WNT8B: variants seen among roughly 807,000 people sequenced by gnomAD.
The protein encoded by WNT8B is Wnt family member 8B.
In WNT8B, 24 loss-of-function variants were observed where a neutral mutation model predicts 36.6. The ratio of observed to expected loss-of-function variants is 0.66; its 90% CI spans 0.48 to 0.92. The LOEUF (loss-of-function observed/expected upper bound fraction) is 0.92. Among genes scored for constraint, WNT8B ranks in the 40% least tolerant of loss-of-function variants. WNT8B has a pLI of 0.00. For missense variants in WNT8B, 402 were observed against 470.8 expected (o/e 0.85, Z 1.35); for synonymous variants, 199 against 189.8 (o/e 1.05, Z -0.40).
Position 100,470,833 on chromosome 10 carries a change from C to G in WNT8B, c.68+7597C>G, listed in dbSNP as rs189875037. ...CTCGGCTGACTGCAACCTCCGCCTC[C>G]CAGGTTCAAGCGGATTCTCCTGCCT... On this transcript the variant is annotated intron_variant, in intron 1 of 5. Coordinates refer to ENST00000343737, the MANE Select transcript of WNT8B (RefSeq NM_003393.4). Among the ~76,000 whole-genome samples the G allele has an allele frequency of 2.0e-4, 30 of 152,300 alleles. No individual in the cohort carries two copies. In the East Asian group the frequency reaches 5.6e-3, roughly 28 times the overall value.
intron 4 of WNT8B, among the ~76,000 whole-genome samples, chr10:100,481,708 AG>A (rs888292526): frequency 1.7e-4 from 26 of 152,210 alleles, no homozygotes; most frequent in African/African-American, 6.0e-4. Flanking sequence ...AGCCCTGAGC[AG>A]GGGATTGGCT....
intron 3 of WNT8B, among the ~76,000 whole-genome samples, chr10:100,480,307 C>G (rs977683341): frequency 3.3e-5 from 5 of 152,180 alleles, no homozygotes; most frequent in African/African-American, 1.2e-4. Context: ...TAAGTAATAT[C>G]AGGAGGTAGG....
Position 100,483,065 on chromosome 10 carries a change from T to C in WNT8B, c.*249T>C. ...GAGAACTCAGGCTTTGAGTTACTGA[T>C]CTTCCTTGGATTAGGAGAACAGGTG... On this transcript the variant is annotated 3_prime_UTR_variant, in exon 6 of 6. Coordinates refer to ENST00000343737, the MANE Select transcript of WNT8B (RefSeq NM_003393.4). 1 of 455,586 alleles carries C rather than the reference T, an allele frequency of 2.2e-6. No homozygotes were observed. The highest frequency in any genetic ancestry group is 4.0e-5 in the Admixed American group (1 of 24,854). The allele number at this position is 455,586 out of a possible 1,614,324, so 28.2% of individuals were successfully genotyped here.
intron 1 of WNT8B, among the ~76,000 whole-genome samples, chr10:100,474,978 C>T (rs986343858): frequency 1.3e-5 from 2 of 152,216 alleles, no homozygotes; most frequent in African/African-American, 2.4e-5. Context: ...TGGTGGCTCA[C>T]GCCTGTAATC....
chr10:100,480,440 G>GA (rs2133658430), intron 3 of WNT8B, among the ~76,000 whole-genome samples: 1 of 152,326 alleles, frequency 6.6e-6, no homozygotes, highest in Admixed American at 6.5e-5. Flanking sequence ...GCCAGTAAAT[G>GA]AAAGAGCTAC....
At position 100,480,961 on chromosome 10, in the gene WNT8B, C is replaced by G. The variant is rs756537587; in HGVS notation, c.242-37C>G. On this transcript the variant is annotated intron_variant, in intron 3 of 5. Coordinates refer to ENST00000343737, the MANE Select transcript of WNT8B (RefSeq NM_003393.4). ...TGTCTGGTATTTCTTTAAGCTGAAA[C>G]CCCTCCCTCTAACTCTGGATTTTTG... 43 of 1,607,252 alleles carry G rather than the reference C, an allele frequency of 2.7e-5. 2 individuals are homozygous for G. The South Asian group carries it at 4.1e-4, about 15-fold the overall frequency.
At chr10:100,478,643 G>A (rs1157208605) in intron 1 of WNT8B, among the ~76,000 whole-genome samples, 2 of 151,566 alleles carry the variant, frequency 1.3e-5, no homozygotes, top group Admixed American at 6.6e-5. Flanking sequence ...GTGCAGTGGC[G>A]CAATCTCGGC....
rs1297285972 is a variant in WNT8B, at chr10:100,479,912, C to G, written c.141C>G (p.Ala47=). The G allele has an allele frequency of 3.7e-6, 6 of 1,613,890 alleles. No homozygotes were observed. Among genetic ancestry groups the G allele is most frequent in the Non-Finnish European group, 5.1e-6 (6 of 1,179,948 alleles). ...ACTCCAGCAGTGTGGCAGCTGGTGC[C>G]CAGAGTGGTATTGAAGAATGCAAGT... ...LIYSSSVAAG[A]QSGIEECKYQ... Residue 47 remains alanine (A), a synonymous_variant, in exon 3 of 6, where the codon GCC becomes GCG. Transcript: ENST00000343737.
Position 100,482,068 on chromosome 10 carries a change from C to A in WNT8B, c.510+14C>A, listed in dbSNP as rs755749342. 5 of 1,613,910 alleles carry A rather than the reference C, an allele frequency of 3.1e-6. No individual in the cohort carries two copies. The highest frequency in any genetic ancestry group is 4.2e-6 in the Non-Finnish European group (5 of 1,179,846). The stretch of plus-strand genomic sequence containing the variant: ...GCTGGCCGCAAGGTGAGTCCCGCAG[C>A]CCTTGGAAATAGGCAGCTGCTGGCT... On this transcript the variant is annotated intron_variant, in intron 5 of 5. Transcript: ENST00000343737. The surrounding 1 kb of genome is among the most constrained non-coding windows in gnomAD (Gnocchi z 6.6).
intron 1 of WNT8B, among the ~76,000 whole-genome samples, chr10:100,470,978 G>A (rs918796690): frequency 6.6e-6 from 1 of 152,032 alleles, no homozygotes; most frequent in Non-Finnish European, 1.5e-5. Flanking sequence ...CCCAACCTCA[G>A]GTGATCTGCC....
chr10:100,478,552 T>C (rs1851068165), intron 1 of WNT8B, among the ~76,000 whole-genome samples: 1 of 152,046 alleles, frequency 6.6e-6, no homozygotes, highest in Non-Finnish European at 1.5e-5. Context: ...TTATTCATGT[T>C]TTTTCTACTA....
At chr10:100,466,295 A>G (rs1031456560) in intron 1 of WNT8B, among the ~76,000 whole-genome samples, 10 of 152,090 alleles carry the variant, frequency 6.6e-5, no homozygotes, top group Admixed American at 6.6e-4. Flanking sequence ...TTAAAAAAAA[A>G]GCTGGGATTT....
At chr10:100,477,942 ATT>A (rs34357304) in intron 1 of WNT8B, among the ~76,000 whole-genome samples, 25 of 126,608 alleles carry the variant, frequency 2.0e-4, no homozygotes, top group Non-Finnish European at 1.5e-4. Context: ...ATGCCTAGCT[ATT>A]TTTTTTTTTT....
In WNT8B at chr10:100,482,074, G is replaced by A; in HGVS notation, c.510+20G>A. ...CGCAAGGTGAGTCCCGCAGCCCTTG[G>A]AAATAGGCAGCTGCTGGCTATATCC... On this transcript the variant is annotated intron_variant, in intron 5 of 5. Coordinates refer to ENST00000343737, the MANE Select transcript of WNT8B (RefSeq NM_003393.4). The surrounding 1 kb of genome is among the most constrained non-coding windows in gnomAD (Gnocchi z 6.6). 1 of 1,613,782 alleles carries A rather than the reference G, an allele frequency of 6.2e-7. No individual in the cohort carries two copies. The highest frequency in any genetic ancestry group is 1.1e-5 in the South Asian group (1 of 91,078).
intron 1 of WNT8B, among the ~76,000 whole-genome samples, chr10:100,467,042 G>A (rs952717346): frequency 2.0e-5 from 3 of 151,972 alleles, no homozygotes; most frequent in Admixed American, 6.6e-5. Flanking sequence ...CTGAGCTTGG[G>A]TCACATAAAT....
Position 100,463,121 on chromosome 10 carries a change from C to T in WNT8B, c.-48C>T, listed in dbSNP as rs1308801541. On this transcript the variant is annotated 5_prime_UTR_variant, in exon 1 of 6. Coordinates refer to ENST00000343737, the MANE Select transcript of WNT8B (RefSeq NM_003393.4). ...AGAATATTTCTCCGTCTTGCTTACC[C>T]ATCTCCCAGTTTTTTGGAATTTTCT... is the stretch of plus-strand genomic sequence containing the variant. The T allele has an allele frequency of 1.2e-5, 18 of 1,551,600 alleles. No homozygotes were observed. Among genetic ancestry groups the T allele is most frequent in the East Asian group, 2.2e-5 (1 of 44,498 alleles).
At position 100,482,678 on chromosome 10, in the gene WNT8B, G is replaced by C; in HGVS notation, c.918G>C (p.Val306=). The C allele has an allele frequency of 6.2e-7, 1 of 1,609,872 alleles. No individual in the cohort carries two copies. Among genetic ancestry groups the C allele is most frequent in the South Asian group, 1.1e-5 (1 of 90,932 alleles). The change falls in exon 6 of 6, where the codon GTG becomes GTC. Residue 306 remains valine, a synonymous_variant. Coordinates refer to ENST00000343737, the MANE Select transcript of WNT8B (RefSeq NM_003393.4). The surrounding 1 kb of genome is among the most constrained non-coding windows in gnomAD (Gnocchi z 6.6). ...TGGAGGAGCGCCGGGCCGAGACCGT[G>C]TCCAGCTGCAACTGCAAGTTCCACT... ...LAVEERRAET[V]SSCNCKFHWC...
chr10:100,474,818 C>T (rs1851019235), intron 1 of WNT8B, among the ~76,000 whole-genome samples: 2 of 152,078 alleles, frequency 1.3e-5, no homozygotes, highest in African/African-American at 4.8e-5. Flanking sequence ...CTGCCTTGGC[C>T]TCCCAAAGTG....
At chr10:100,470,142 A>AT (rs1046479533) in intron 1 of WNT8B, among the ~76,000 whole-genome samples, 2 of 151,878 alleles carry the variant, frequency 1.3e-5, no homozygotes, top group African/African-American at 2.4e-5. Context: ...CTCAGAGACA[A>AT]TTTTTTTAAG....
Sources: allele counts gnomAD v4.1 joint callset (sites outside exome capture counted in the v4.1 genomes callset), GRCh38; gene constraint gnomAD v4.1.1; non-coding constraint Gnocchi (gnomAD v3.1); transcripts MANE v1.5; gene names NCBI Gene and HGNC (gene_info 2026-07-23, HGNC 2026-07-21).